Variants in DPP10 observed in about 807,000 individuals in gnomAD.
DPP10 encodes dipeptidyl peptidase like 10, also known as inactive dipeptidyl peptidase 10.
A neutral mutation model predicts 120.9 loss-of-function variants in DPP10; 33 were observed. That is an observed-to-expected ratio of 0.27 (90% CI 0.21 to 0.37). The LOEUF is 0.37. Among genes scored for constraint, DPP10 ranks in the 10% least tolerant of loss-of-function variants. The probability of loss-of-function intolerance (pLI) is 1.00; values close to 1 mark genes in which losing one functional copy is unlikely to be tolerated. For synonymous variants in DPP10, 337 were observed against 326.1 expected (o/e 1.03, Z -0.36); for missense variants, 816 against 942.8 (o/e 0.87, Z 1.76).
chr2:114,660,658 AG>A (rs1314266444), intron 1 of DPP10, among the ~76,000 whole-genome samples: 1 of 152,172 alleles, frequency 6.6e-6, no homozygotes, highest in African/African-American at 2.4e-5. Flanking sequence ...AGTTTTTAGG[AG>A]GTGAACTTTA....
chr2:114,842,737 T>C (rs2106454925), intron 1 of DPP10, among the ~76,000 whole-genome samples: 1 of 152,296 alleles, frequency 6.6e-6, no homozygotes, highest in South Asian at 2.1e-4. Context: ...CAATAGCTTG[T>C]GTTTCCAAGC....
At chr2:114,904,785 C>A (rs1693839381) in intron 1 of DPP10, among the ~76,000 whole-genome samples, 1 of 152,056 alleles carries the variant, frequency 6.6e-6, no homozygotes, top group Admixed American at 6.6e-5. Context: ...GTATTCTATC[C>A]TTTAAAAAGA....
At chr2:115,190,664 C>T (rs1263720857) in intron 1 of DPP10, among the ~76,000 whole-genome samples, 2 of 152,178 alleles carry the variant, frequency 1.3e-5, no homozygotes, top group Non-Finnish European at 2.9e-5. Context: ...CAGGGAACAG[C>T]AGTGAAAGAG....
chr2:114,761,293 A>G (rs1680260045), intron 1 of DPP10, among the ~76,000 whole-genome samples: 1 of 152,130 alleles, frequency 6.6e-6, no homozygotes, highest in Non-Finnish European at 1.5e-5. Context: ...ACTATATATT[A>G]TATCCCTGTT....
intron 1 of DPP10, among the ~76,000 whole-genome samples, chr2:114,826,807 C>A (rs537689292): frequency 1.3e-5 from 2 of 152,144 alleles, no homozygotes; most frequent in East Asian, 3.9e-4. Context: ...GGATTACAGG[C>A]GTGAGCCACC....
At chr2:114,819,179 T>C (rs1036412390) in intron 1 of DPP10, among the ~76,000 whole-genome samples, 2 of 152,132 alleles carry the variant, frequency 1.3e-5, no homozygotes, top group Admixed American at 1.3e-4. Context: ...TGTTTTGTGA[T>C]TTATTTATTG....
chr2:115,510,365 T>C (rs2077160835), intron 4 of DPP10, among the ~76,000 whole-genome samples: 1 of 152,222 alleles, frequency 6.6e-6, no homozygotes, highest in Non-Finnish European at 1.5e-5. Context: ...ACATTTATTC[T>C]TTTGCATGTG....
chr2:114,797,511 G>C (rs191405579), intron 1 of DPP10, among the ~76,000 whole-genome samples: 9 of 152,248 alleles, frequency 5.9e-5, no homozygotes, highest in Admixed American at 1.3e-4. Context: ...CAAAAAGTAA[G>C]GAAGTAGTCA....
intron 13 of DPP10, among the ~76,000 whole-genome samples, chr2:115,774,489 A>T (rs1302676640): frequency 6.6e-6 from 1 of 152,110 alleles, no homozygotes; most frequent in African/African-American, 2.4e-5. Flanking sequence ...GCCTGTGTGA[A>T]CTTGGCAATA....
intron 5 of DPP10, among the ~76,000 whole-genome samples, chr2:115,596,305 A>C (rs1277180716): frequency 6.6e-6 from 1 of 152,190 alleles, no homozygotes; most frequent in Non-Finnish European, 1.5e-5. Flanking sequence ...GTAACTTTCA[A>C]AAACTCTTAA....
chr2:114,623,050 A>G (rs1179485453), intron 1 of DPP10, among the ~76,000 whole-genome samples: 1 of 152,088 alleles, frequency 6.6e-6, no homozygotes, highest in Non-Finnish European at 1.5e-5. Context: ...GGCATTAAAA[A>G]TGTAAGGCTA....
chr2:115,499,026 G>A lies in DPP10; in HGVS notation c.272-484G>A, dbSNP rs1041793953. The stretch of plus-strand genomic sequence containing the variant: ...AACCCAGAAGAGAATTCAAGATGCT[G>A]AATAGGAATTCAGTGGTGGTAGAAG... On this transcript the variant is annotated intron_variant, in intron 3 of 25. Transcript: ENST00000410059. Among the ~76,000 whole-genome samples, 123 of 152,138 alleles carry A rather than the reference G, an allele frequency of 8.1e-4. 1 individual carries two copies. The highest frequency in any genetic ancestry group is 8.1e-4 in the Non-Finnish European group (55 of 67,966).
intron 1 of DPP10, among the ~76,000 whole-genome samples, chr2:115,017,308 A>T (rs1216859388): frequency 6.6e-6 from 1 of 152,156 alleles, no homozygotes; most frequent in African/African-American, 2.4e-5. Context: ...ATGAGATACC[A>T]TCTCATCCCA....
intron 3 of DPP10, among the ~76,000 whole-genome samples, chr2:115,470,572 G>T (rs764035359): frequency 2.0e-5 from 3 of 152,140 alleles, no homozygotes; most frequent in Non-Finnish European, 2.9e-5. Context: ...ACTCCATCCA[G>T]AAGAGAAACG....
intron 1 of DPP10, among the ~76,000 whole-genome samples, chr2:115,031,115 G>A (rs377539453): frequency 2.0e-5 from 3 of 151,870 alleles, no homozygotes; most frequent in Non-Finnish European, 4.4e-5. Context: ...CCATGCAAGA[G>A]GCTTATTATA....
At chr2:114,591,712 G>A (rs1157326347) in intron 1 of DPP10, among the ~76,000 whole-genome samples, 9 of 151,828 alleles carry the variant, frequency 5.9e-5, no homozygotes, top group Non-Finnish European at 2.9e-5. Context: ...GTGCCAACAC[G>A]TCTGGCTAAT....
At chr2:114,737,884 T>C (rs1677615505) in intron 1 of DPP10, among the ~76,000 whole-genome samples, 1 of 152,234 alleles carries the variant, frequency 6.6e-6, no homozygotes, top group South Asian at 2.1e-4. Context: ...ACCTGTATTA[T>C]TCAATTCTTA....
At chr2:115,363,655 G>A in intron 3 of DPP10, among the ~76,000 whole-genome samples, 1 of 152,188 alleles carries the variant, frequency 6.6e-6, no homozygotes, top group Non-Finnish European at 1.5e-5. Flanking sequence ...AAGGCATTGT[G>A]AGCATCACAG....
intron 1 of DPP10, among the ~76,000 whole-genome samples, chr2:114,530,355 A>T (rs1308799177): frequency 1.3e-5 from 2 of 152,184 alleles, no homozygotes; most frequent in Non-Finnish European, 2.9e-5. Flanking sequence ...GCTAAGGCCA[A>T]CCAGGACAGC....
Sources: gnomAD v4.1 joint callset for allele counts (sites outside exome capture counted in the v4.1 genomes callset) on GRCh38, gnomAD v4.1.1 for gene constraint, MANE v1.5 for transcripts, NCBI Gene and HGNC (gene_info 2026-07-23, HGNC 2026-07-21) for gene names.